Variants in ATXN1 observed in about 807,000 individuals in gnomAD.
ATXN1 encodes ataxin-1.
In ATXN1, 8 loss-of-function variants were observed where a neutral mutation model predicts 56.4. The observed-to-expected ratio is 0.14, with a 90% CI of 0.08 to 0.26. The LOEUF (loss-of-function observed/expected upper bound fraction) is 0.26. Ranked by LOEUF, ATXN1 falls within the 10% of genes least tolerant of loss-of-function variation. The probability of loss-of-function intolerance (pLI) is 1.00; values close to 1 mark genes in which losing one functional copy is unlikely to be tolerated. For synonymous variants in ATXN1, 514 were observed against 494.6 expected (o/e 1.04, Z -0.52); for missense variants, 987 against 1,106.5 (o/e 0.89, Z 1.53).
At chr6:16,717,264 A>T (rs753436390) in intron 2 of ATXN1, among the ~76,000 whole-genome samples, 7 of 152,268 alleles carry the variant, frequency 4.6e-5, no homozygotes, top group Non-Finnish European at 5.9e-5. Flanking sequence ...CAGTGTCTTC[A>T]CAGGCAAGGC....
intron 6 of ATXN1, among the ~76,000 whole-genome samples, chr6:16,422,299 G>A (rs1488660103): frequency 6.6e-6 from 1 of 152,200 alleles, no homozygotes; most frequent in Non-Finnish European, 1.5e-5. Context: ...TGGCGCAGGT[G>A]AGGGAGAGGA....
At chr6:16,443,587 T>TA (rs926508795) in intron 6 of ATXN1, among the ~76,000 whole-genome samples, 77 of 151,970 alleles carry the variant, frequency 5.1e-4, no homozygotes, top group East Asian at 2.1e-3. Context: ...ACAATCAAAA[T>TA]AAAAAAAACC....
chr6:16,531,453 T>C (rs1385587869), intron 4 of ATXN1, among the ~76,000 whole-genome samples: 1 of 151,988 alleles, frequency 6.6e-6, no homozygotes, highest in African/African-American at 2.4e-5. Flanking sequence ...CGAAACCCTG[T>C]CTCTACTAAA....
chr6:16,574,727 G>A (rs1762391609), intron 4 of ATXN1, among the ~76,000 whole-genome samples: 1 of 151,844 alleles, frequency 6.6e-6, no homozygotes, highest in Non-Finnish European at 1.5e-5. Context: ...CAAAGCCATA[G>A]AACCACGATC....
chr6:16,686,910 A>G (rs984199559), intron 2 of ATXN1, among the ~76,000 whole-genome samples: 7 of 152,214 alleles, frequency 4.6e-5, no homozygotes, highest in Admixed American at 6.5e-5. Context: ...AAGTATTTCA[A>G]TGAATAATGC....
chr6:16,552,086 T>A (rs1046011383), intron 4 of ATXN1, among the ~76,000 whole-genome samples: 2 of 152,200 alleles, frequency 1.3e-5, no homozygotes, highest in African/African-American at 4.8e-5. Flanking sequence ...GCTAAGGCAC[T>A]CTCCAAGGAC....
chr6:16,430,335 G>A (rs1458061542), intron 6 of ATXN1, among the ~76,000 whole-genome samples: 1 of 145,026 alleles, frequency 6.9e-6, no homozygotes. Flanking sequence ...GGAAGGATAG[G>A]AAAAAAAAAA....
chr6:16,566,516 A>G (rs1762219933), intron 4 of ATXN1, among the ~76,000 whole-genome samples: 1 of 151,988 alleles, frequency 6.6e-6, no homozygotes, highest in South Asian at 2.1e-4. Flanking sequence ...GCTGGACTAT[A>G]AGCACATCTC....
intron 3 of ATXN1, among the ~76,000 whole-genome samples, chr6:16,623,806 C>T (rs1195140746): frequency 3.3e-5 from 5 of 152,110 alleles, no homozygotes; most frequent in Non-Finnish European, 7.4e-5. Flanking sequence ...AAAACATATC[C>T]GATGTGAATA....
At chr6:16,670,917 AT>A (rs1374610338) in intron 2 of ATXN1, among the ~76,000 whole-genome samples, 2 of 152,212 alleles carry the variant, frequency 1.3e-5, no homozygotes, top group African/African-American at 4.8e-5. Flanking sequence ...TCAATTTTAT[AT>A]TTCATTTCGA....
chr6:16,457,114 G>C (rs998930675), intron 6 of ATXN1, among the ~76,000 whole-genome samples: 1 of 152,092 alleles, frequency 6.6e-6, no homozygotes, highest in Non-Finnish European at 1.5e-5. Flanking sequence ...ATAACAACAG[G>C]AGAAAACACT....
At chr6:16,680,253 G>A (rs1017422512) in intron 2 of ATXN1, among the ~76,000 whole-genome samples, 2 of 151,964 alleles carry the variant, frequency 1.3e-5, no homozygotes, top group Non-Finnish European at 2.9e-5. Context: ...TAGAGGGTCA[G>A]GGGTAGACCC....
chr6:16,539,194 T>C (rs1177568310), intron 4 of ATXN1, among the ~76,000 whole-genome samples: 1 of 152,236 alleles, frequency 6.6e-6, no homozygotes, highest in African/African-American at 2.4e-5. Context: ...GTATAGCTAA[T>C]GATTCATTCC....
At chr6:16,716,518 T>C (rs1279731571) in intron 2 of ATXN1, among the ~76,000 whole-genome samples, 5 of 152,204 alleles carry the variant, frequency 3.3e-5, no homozygotes. Flanking sequence ...ATTCCCTCTC[T>C]GATCTTCTGT....
intron 2 of ATXN1, among the ~76,000 whole-genome samples, chr6:16,675,747 G>C (rs1434967592): frequency 6.6e-6 from 1 of 151,994 alleles, no homozygotes; most frequent in Non-Finnish European, 1.5e-5. Context: ...AAATTAGCCA[G>C]GCATTGTGGT....
intron 6 of ATXN1, among the ~76,000 whole-genome samples, chr6:16,345,096 A>G (rs1438933269): frequency 6.6e-6 from 1 of 152,224 alleles, no homozygotes; most frequent in Non-Finnish European, 1.5e-5. Context: ...GGTTATTAAA[A>G]GGCAAAGGAT....
intron 6 of ATXN1, among the ~76,000 whole-genome samples, chr6:16,331,985 A>G (rs1212223793): frequency 1.3e-5 from 2 of 152,260 alleles, no homozygotes; most frequent in African/African-American, 4.8e-5. Context: ...CTTAACACAC[A>G]AATCCAAATT....
chr6:16,557,738 T>G (rs1762040554), intron 4 of ATXN1, among the ~76,000 whole-genome samples: 1 of 152,226 alleles, frequency 6.6e-6, no homozygotes. Flanking sequence ...CACTGCACTT[T>G]AGTGGGAGGA....
intron 2 of ATXN1, among the ~76,000 whole-genome samples, chr6:16,683,960 G>A (rs1458368349): frequency 6.6e-6 from 1 of 152,134 alleles, no homozygotes; most frequent in Non-Finnish European, 1.5e-5. Context: ...TTCTTCTCCT[G>A]GCCCCTCCCT....
Sources: allele counts gnomAD v4.1 joint callset (sites outside exome capture counted in the v4.1 genomes callset), GRCh38; gene constraint gnomAD v4.1.1; transcripts MANE v1.5; gene names NCBI Gene and HGNC (gene_info 2026-07-23, HGNC 2026-07-21).